CDH7: variants seen among roughly 807,000 people sequenced by gnomAD.
The protein encoded by CDH7 is cadherin-7.
CDH7 carries 25 observed loss-of-function variants against 71.8 expected under a neutral mutation model. That is an observed-to-expected ratio of 0.35 (90% CI 0.25 to 0.49). The LOEUF (loss-of-function observed/expected upper bound fraction) is 0.49, where lower values mean the gene tolerates loss of function less well. Ranked by LOEUF, CDH7 falls within the 20% of genes least tolerant of loss-of-function variation. CDH7 has a pLI of 0.99. For synonymous variants in CDH7, 381 were observed against 363.8 expected (o/e 1.05, Z -0.54); for missense variants, 862 against 974.6 (o/e 0.88, Z 1.54).
intron 7 of CDH7, among the ~76,000 whole-genome samples, chr18:65,849,647 AG>A (rs955189648): frequency 4.6e-5 from 7 of 151,594 alleles, no homozygotes; most frequent in African/African-American, 7.3e-5. Flanking sequence ...TCCTGACCTC[AG>A]GTGATCCATC....
Position 65,791,528 on chromosome 18 carries a change from G to C in CDH7, c.211-18176G>C, listed in dbSNP as rs181674316. Among the ~76,000 whole-genome samples, 400 of 152,296 alleles carry C rather than the reference G, an allele frequency of 2.6e-3. 3 individuals are homozygous for C. Among genetic ancestry groups the C allele is most frequent in the African/African-American group, 9.2e-3 (383 of 41,582 alleles). ...CCGAGAGAAAGTTTAATAAGCAGTA[G>C]AGTCAAACCTCCTTGATCACAGACC... On this transcript the variant is annotated intron_variant, in intron 2 of 11. Transcript: ENST00000397968.
intron 2 of CDH7, among the ~76,000 whole-genome samples, chr18:65,764,693 CAT>C (rs1916300995): frequency 1.3e-5 from 2 of 152,000 alleles, no homozygotes; most frequent in Admixed American, 6.6e-5. Context: ...TAAGCAAAAT[CAT>C]ATTTTGTGAC....
At chr18:65,753,134 C>T (rs1039955228) in intron 1 of CDH7, among the ~76,000 whole-genome samples, 1 of 152,072 alleles carries the variant, frequency 6.6e-6, no homozygotes, top group Admixed American at 6.5e-5. Context: ...TTCAGCCTTC[C>T]TTGGCCTAAA....
chr18:65,859,787 C>T lies in CDH7; in HGVS notation c.1574C>T (p.Ala525Val), dbSNP rs1217317844. ...HQFYFSLTTD[A>V]TNNHNFSLKD... ...TTTTACTTCAGCTTAACAACGGATGCAACAAATAACCACAACTTTTCATTG... is the reference window on the plus strand; with the variant it reads ...TTTTACTTCAGCTTAACAACGGATGTAACAAATAACCACAACTTTTCATTG... Residue 525 changes from alanine to valine, a missense_variant, in exon 10 of 12, where the codon GCA (alanine) becomes GTA (valine). Ala to Val is a moderately conservative substitution (Grantham distance 64, BLOSUM62 0). Coordinates refer to ENST00000397968, the MANE Select transcript of CDH7 (RefSeq NM_004361.5). 5 of 1,607,620 alleles carry T rather than the reference C, an allele frequency of 3.1e-6. No homozygotes were observed. Among genetic ancestry groups the T allele is most frequent in the Non-Finnish European group, 4.3e-6 (5 of 1,174,378 alleles).
In CDH7 at chr18:65,859,749, C is replaced by T. The variant is rs1171167138; in HGVS notation, c.1536C>T (p.Ser512=). 1.2e-6 allele frequency: 2 copies of T among 1,611,394 alleles called. No individual in the cohort carries two copies. The highest frequency in any genetic ancestry group is 1.7e-5 in the Admixed American group (1 of 59,972). The stretch of plus-strand genomic sequence containing the variant: ...GTGCTGTGGATAAAGATGAGCCATC[C>T]AATGGACACCAGTTTTACTTCAGCT... The part of the protein sequence containing the change: ...KISAVDKDEP[S]NGHQFYFSLT... The change falls in exon 10 of 12, where the codon TCC becomes TCT. Residue 512 remains serine, a synonymous_variant. Coordinates refer to ENST00000397968, the MANE Select transcript of CDH7 (RefSeq NM_004361.5).
intron 3 of CDH7, among the ~76,000 whole-genome samples, chr18:65,812,188 C>T (rs1042548132): frequency 6.6e-6 from 1 of 151,896 alleles, no homozygotes; most frequent in African/African-American, 2.4e-5. Flanking sequence ...AGGATGGTCT[C>T]AATCTCTTGA....
chr18:65,878,165 C>A (rs1204670243), intron 11 of CDH7, among the ~76,000 whole-genome samples: 1 of 152,116 alleles, frequency 6.6e-6, no homozygotes, highest in African/African-American at 2.4e-5. Flanking sequence ...ACTATACCAC[C>A]TTTCCTATTT....
intron 2 of CDH7, among the ~76,000 whole-genome samples, chr18:65,775,155 A>G (rs1909890397): frequency 6.6e-6 from 1 of 152,178 alleles, no homozygotes; most frequent in African/African-American, 2.4e-5. Context: ...GTCTTTGGCT[A>G]TGTTACCTAA....
rs566810711 is a variant in CDH7, at chr18:65,879,802, T to C, written c.1865-599T>C. 3.9e-5 allele frequency among the ~76,000 whole-genome samples: 6 copies of C among 152,284 alleles called. No individual in the cohort carries two copies. In the South Asian group the frequency reaches 1.0e-3, roughly 26 times the overall value. On this transcript the variant is annotated intron_variant, in intron 11 of 11. Coordinates refer to ENST00000397968, the MANE Select transcript of CDH7 (RefSeq NM_004361.5). The stretch of plus-strand genomic sequence containing the variant: ...GCTTGTATTCTGTCTGTAGGTATAA[T>C]GGATAAAGACCAAGTTCAGTATTTT...
At chr18:65,757,642 T>C (rs1916068218) in intron 1 of CDH7, among the ~76,000 whole-genome samples, 1 of 152,144 alleles carries the variant, frequency 6.6e-6, no homozygotes, top group Non-Finnish European at 1.5e-5. Flanking sequence ...CCATCACTAC[T>C]ACTCCCTGAG....
At chr18:65,850,813 CTTT>C (rs370158021) in intron 7 of CDH7, among the ~76,000 whole-genome samples, 16 of 137,792 alleles carry the variant, frequency 1.2e-4, no homozygotes, top group Admixed American at 1.5e-4. Flanking sequence ...CATTTTTATT[CTTT>C]TTTTTTTTTT....
chr18:65,822,773 A>C (rs1911982290), intron 5 of CDH7, among the ~76,000 whole-genome samples: 1 of 151,982 alleles, frequency 6.6e-6, no homozygotes, highest in African/African-American at 2.4e-5. Flanking sequence ...TCTTGTGCAA[A>C]CATTCAGTGT....
intron 2 of CDH7, among the ~76,000 whole-genome samples, chr18:65,797,348 A>T (rs1361296789): frequency 6.6e-6 from 1 of 151,750 alleles, no homozygotes; most frequent in East Asian, 1.9e-4. Context: ...ATTTCTGCCA[A>T]TTTTATTACA....
intron 1 of CDH7, among the ~76,000 whole-genome samples, chr18:65,760,588 A>C (rs1177721416): frequency 2.0e-5 from 3 of 152,126 alleles, no homozygotes; most frequent in Non-Finnish European, 4.4e-5. Flanking sequence ...TTTAAGAGAG[A>C]ATTCATTCTC....
At chr18:65,854,188 C>A (rs964561867) in intron 7 of CDH7, among the ~76,000 whole-genome samples, 1 of 151,098 alleles carries the variant, frequency 6.6e-6, no homozygotes, top group Non-Finnish European at 1.5e-5. Context: ...TGTGTGTAGA[C>A]CTTGCTCCTT....
At chr18:65,767,331 C>CA (rs35587320) in intron 2 of CDH7, among the ~76,000 whole-genome samples, 1 of 151,656 alleles carries the variant, frequency 6.6e-6, no homozygotes, top group Admixed American at 6.6e-5. Flanking sequence ...TTCAGTGTTC[C>CA]AAAAAAGGAA....
chr18:65,750,866 C>G (rs1302394101), upstream of CDH7: 6 of 152,204 alleles, frequency 3.9e-5, no homozygotes, highest in Non-Finnish European at 8.8e-5. Context: ...CCCGGGCGAG[C>G]CGGAGGGGCC....
intron 7 of CDH7, among the ~76,000 whole-genome samples, chr18:65,850,898 G>A (rs550116650): frequency 6.2e-4 from 92 of 147,862 alleles, no homozygotes; most frequent in African/African-American, 2.1e-3. Flanking sequence ...TGCAACTTCC[G>A]CCTTCTGGGC....
chr18:65,842,103 C>T (rs1912754903), intron 6 of CDH7, among the ~76,000 whole-genome samples: 1 of 152,058 alleles, frequency 6.6e-6, no homozygotes, highest in Admixed American at 6.6e-5. Context: ...TCATTTTAAC[C>T]AGCAGGATTC....
Sources: allele counts gnomAD v4.1 joint callset (sites outside exome capture counted in the v4.1 genomes callset), GRCh38; gene constraint gnomAD v4.1.1; transcripts MANE v1.5; gene names NCBI Gene and HGNC (gene_info 2026-07-23, HGNC 2026-07-21).